Variants in CA13 observed in about 807,000 individuals in gnomAD.
CA13 encodes the protein CA-XIII.
Under a neutral mutation model 31.5 loss-of-function variants are expected in CA13, and 21 were observed. That is an observed-to-expected ratio of 0.67 (90% CI 0.47 to 0.96). The LOEUF (loss-of-function observed/expected upper bound fraction) is 0.96. CA13 is among the 40% of genes least tolerant of loss of function. The pLI is 0.00. For synonymous variants in CA13, 117 were observed against 111.4 expected, an observed-to-expected ratio of 1.05 and a Z score of -0.32; for missense variants, 315 against 318.9, an observed-to-expected ratio of 0.99 and a Z score of 0.09.
intron 3 of CA13, among the ~76,000 whole-genome samples, chr8:85,263,408 G>A (rs552727909): frequency 7.0e-4 from 107 of 152,236 alleles, no homozygotes; most frequent in African/African-American, 2.6e-3. Context: ...AGAGGAGGCC[G>A]CTGTCAGGCA....
intron 1 of CA13, among the ~76,000 whole-genome samples, chr8:85,249,100 G>A (rs928947292): frequency 2.0e-5 from 3 of 152,182 alleles, no homozygotes; most frequent in Non-Finnish European, 4.4e-5. Context: ...TGAGTGTATA[G>A]TTATATATTT....
chr8:85,249,507 A>AC (rs1297143760), intron 1 of CA13, among the ~76,000 whole-genome samples: 3 of 151,870 alleles, frequency 2.0e-5, no homozygotes, highest in African/African-American at 7.3e-5. Context: ...AAAAAAAAAA[A>AC]AAAGATTTAG....
At chr8:85,280,724 T>A (rs1026778918) in intron 6 of CA13, among the ~76,000 whole-genome samples, 1 of 152,200 alleles carries the variant, frequency 6.6e-6, no homozygotes, top group Non-Finnish European at 1.5e-5. Flanking sequence ...CACCAAGGGA[T>A]TGTTAAAAAT....
chr8:85,258,951 A>C (rs1807340411), intron 2 of CA13, among the ~76,000 whole-genome samples: 1 of 151,682 alleles, frequency 6.6e-6, no homozygotes, highest in Non-Finnish European at 1.5e-5. Context: ...AAGAAGTTAG[A>C]GTTTGTTCAA....
At chr8:85,258,812 C>T (rs1445803936) in intron 2 of CA13, among the ~76,000 whole-genome samples, 1 of 137,486 alleles carries the variant, frequency 7.3e-6, no homozygotes, top group Non-Finnish European at 1.5e-5. Flanking sequence ...TGGTGCATAC[C>T]TGTAGTTCTA....
At position 85,268,613 on chromosome 8, in the gene CA13, A is replaced by G. The variant is rs765017106; in HGVS notation, c.655A>G (p.Ile219Val). The G allele has an allele frequency of 1.3e-5, 21 of 1,613,098 alleles. No homozygotes were observed. The highest frequency in any genetic ancestry group is 7.7e-5 in the South Asian group (7 of 91,012). The change falls in exon 6 of 7, where the codon ATC (isoleucine) becomes GTC (valine). Residue 219 changes from isoleucine to valine, a missense_variant. Transcript: ENST00000321764. The stretch of plus-strand genomic sequence containing the variant: ...GATTGTTTTAAAGCAACCTATAAAC[A>G]TCAGCTCTCAACAGGTACATAATCT... ...TWIVLKQPIN[I>V]SSQQLAKFRS...
Position 85,283,670 on chromosome 8 carries a change from A to G in CA13, c.*2321A>G, listed in dbSNP as rs1435179435. 6.6e-6 allele frequency: 1 copy of G among 152,642 alleles called. No individual in the cohort carries two copies. The highest frequency in any genetic ancestry group is 1.9e-4 in the East Asian group (1 of 5,198). The allele number at this position is 152,642 out of a possible 1,614,324, so 9.5% of individuals were successfully genotyped here. The stretch of plus-strand genomic sequence containing the variant: ...ACCTGTGAAGTATCCTAGTCAGGGA[A>G]AGAACCTGTTTTCTGGAAGAATGTA... On this transcript the variant is annotated 3_prime_UTR_variant, in exon 7 of 7. Transcript: ENST00000321764.
At chr8:85,245,896 T>C (rs768179962) in intron 1 of CA13, 31 bp downstream of exon 1, 2 of 1,612,944 alleles carry the variant, frequency 1.2e-6, no homozygotes, top group South Asian at 2.2e-5. Context: ...CAAGGGGGGG[T>C]TTGTGCGGGG....
At chr8:85,250,997 T>TAC in intron 2 of CA13, 60 bp downstream of exon 2, 1 of 1,121,478 alleles carries the variant, frequency 8.9e-7, no homozygotes, top group Non-Finnish European at 1.3e-6. Context: ...GATTAGACTA[T>TAC]ACTCTTTTTT....
chr8:85,245,678 G>A lies in CA13; in HGVS notation c.-151G>A. On this transcript the variant is annotated 5_prime_UTR_variant, in exon 1 of 7. Coordinates refer to ENST00000321764, the MANE Select transcript of CA13 (RefSeq NM_198584.3). ...CTCTGCCGTCTGGAGGACGCAGGCG[G>A]GAGCGCCCCGGACCGGGTTCACGGT... 3.6e-6 allele frequency: 3 copies of A among 828,288 alleles called. No homozygotes were observed. The highest frequency in any genetic ancestry group is 1.7e-5 in the African/African-American group (1 of 58,322). 51.3% of individuals were successfully genotyped at this position (828,288 alleles called of 1,614,324 possible).
At chr8:85,279,094 A>G (rs1197285413) in intron 6 of CA13, among the ~76,000 whole-genome samples, 1 of 152,214 alleles carries the variant, frequency 6.6e-6, no homozygotes, top group Non-Finnish European at 1.5e-5. Flanking sequence ...ACCATAGAAG[A>G]GTATTTTAGC....
intron 3 of CA13, among the ~76,000 whole-genome samples, chr8:85,263,116 T>C (rs971201497): frequency 2.0e-5 from 3 of 152,062 alleles, no homozygotes; most frequent in Admixed American, 6.6e-5. Flanking sequence ...TTCCAGGAAG[T>C]GGGAGCAGCA....
intron 2 of CA13, among the ~76,000 whole-genome samples, chr8:85,259,057 A>C (rs998647719): frequency 6.6e-6 from 1 of 152,216 alleles, no homozygotes; most frequent in Non-Finnish European, 1.5e-5. Context: ...ACCAAGCTCA[A>C]ACTGGACCTG....
chr8:85,273,733 G>A (rs1807561058), intron 6 of CA13, among the ~76,000 whole-genome samples: 3 of 151,994 alleles, frequency 2.0e-5, no homozygotes. Context: ...CTCACTTGGG[G>A]CTGACGCCAT....
chr8:85,247,939 A>G (rs1813760082), intron 1 of CA13, among the ~76,000 whole-genome samples: 1 of 151,804 alleles, frequency 6.6e-6, no homozygotes, highest in Non-Finnish European at 1.5e-5. Context: ...GACTGAGCAG[A>G]TAAAAGGAAA....
Position 85,250,956 on chromosome 8 carries a change from G to C in CA13, c.235+19G>C. On this transcript the variant is annotated intron_variant, in intron 2 of 6. Transcript: ENST00000321764. ...AAATCAGGTTGGCTTTTCTTTTTTT[G>C]TGTGTGTGGTGGTGGATGAAGGGTT... 1.3e-6 allele frequency: 2 copies of C among 1,573,940 alleles called. No homozygotes were observed. Among genetic ancestry groups the C allele is most frequent in the Non-Finnish European group, 1.7e-6 (2 of 1,146,132 alleles).
intron 3 of CA13, among the ~76,000 whole-genome samples, chr8:85,263,376 A>C (rs1026200991): frequency 4.6e-5 from 7 of 152,174 alleles, no homozygotes; most frequent in African/African-American, 1.7e-4. Context: ...TATTTTACAA[A>C]ATATAACTAG....
At chr8:85,251,000 T>G in intron 2 of CA13, 63 bp downstream of exon 2, 3 of 830,906 alleles carry the variant, frequency 3.6e-6, no homozygotes, top group Non-Finnish European at 5.5e-6. Flanking sequence ...TAGACTATAC[T>G]CTTTTTTTTT....
At chr8:85,256,204 C>T (rs183158043) in intron 2 of CA13, among the ~76,000 whole-genome samples, 2 of 151,940 alleles carry the variant, frequency 1.3e-5, no homozygotes, top group African/African-American at 4.8e-5. Context: ...ATTGCTGGAA[C>T]CTTTATTTTT....
Sources: allele counts gnomAD v4.1 joint callset (sites outside exome capture counted in the v4.1 genomes callset), GRCh38; gene constraint gnomAD v4.1.1; transcripts MANE v1.5; gene names NCBI Gene and HGNC (gene_info 2026-07-23, HGNC 2026-07-21).